PTCD3: variants seen among roughly 807,000 people sequenced by gnomAD.
The protein encoded by PTCD3 is small ribosomal subunit protein mS39.
PTCD3 carries 89 observed loss-of-function variants against 101.9 expected under a neutral mutation model. The observed-to-expected ratio is 0.87, with a 90% CI of 0.74 to 1.04. The LOEUF is 1.04. Ranked by LOEUF, PTCD3 falls within the 50% of genes least tolerant of loss-of-function variation. PTCD3 has a pLI of 0.00. For synonymous variants in PTCD3, 296 were observed against 278.5 expected (o/e 1.06, Z -0.63); for missense variants, 870 against 828.2 (o/e 1.05, Z -0.62).
chr2:86,106,658 A>G (rs1363715484), intron 1 of PTCD3, among the ~76,000 whole-genome samples: 1 of 152,184 alleles, frequency 6.6e-6, no homozygotes, highest in Non-Finnish European at 1.5e-5. Context: ...CACTACCCCA[A>G]ATTAAAAATT....
In PTCD3 at chr2:86,111,018, A is replaced by G. The variant is rs745490572; in HGVS notation, c.195-95A>G. 3.4e-5 allele frequency: 38 copies of G among 1,105,986 alleles called. 1 individual carries two copies. In the South Asian group the frequency reaches 4.7e-4, roughly 14 times the overall value. The allele number at this position is 1,105,986 out of a possible 1,614,324, so 68.5% of individuals were successfully genotyped here. A position where few individuals can be genotyped will look rare whatever the true frequency, so the allele number is the denominator to read the frequency against. ...ACCAGCTTCAGATGAGATCTGCACTATGTTATTGGCCAGTACACTGAGAGT... is the reference window on the plus strand; with the variant it reads ...ACCAGCTTCAGATGAGATCTGCACTGTGTTATTGGCCAGTACACTGAGAGT... On this transcript the variant is annotated intron_variant, in intron 3 of 23. Coordinates refer to ENST00000254630, the MANE Select transcript of PTCD3 (RefSeq NM_017952.6).
intron 17 of PTCD3, 136 bp from the exon 18 acceptor site, chr2:86,133,042 T>C (rs961301372): frequency 1.4e-6 from 2 of 1,392,786 alleles, no homozygotes; most frequent in Non-Finnish European, 1.9e-6. Flanking sequence ...AAACCAAATA[T>C]TGGCTCGTTT....
At position 86,137,116 on chromosome 2, in the gene PTCD3, A is replaced by T; in HGVS notation, c.1955A>T (p.Asp652Val). The part of the protein sequence containing the change: ...CEGLTQRVMS[D>V]FAINQEQKEA... ...GGCCTCACCCAGAGAGTAATGAGTG[A>T]TTTTGCAATCAACCAGGAACAAAAG... The change falls in exon 23 of 24, where the codon GAT (aspartate) becomes GTT (valine). Residue 652 changes from aspartate (D) to valine (V), a missense_variant. By Grantham distance (152) the Asp-to-Val change is radical (BLOSUM62 -3). Transcript: ENST00000254630. 6.3e-7 allele frequency: 1 copy of T among 1,591,842 alleles called. No individual in the cohort carries two copies. The highest frequency in any genetic ancestry group is 8.5e-7 in the Non-Finnish European group (1 of 1,170,360).
chr2:86,106,996 GGAT>G lies in PTCD3; in HGVS notation c.104+649_104+651del, dbSNP rs1484379634. On this transcript the variant is annotated intron_variant, in intron 1 of 23. Coordinates refer to ENST00000254630, the MANE Select transcript of PTCD3 (RefSeq NM_017952.6). ...TTTAGTGTTTGCCATTCACTTAATT[GGAT>G]GATAATAGACAGATTTCCTCATCTG... 7 of 380,344 alleles carry G rather than the reference GGAT, an allele frequency of 1.8e-5. 2 individuals carry two copies. The highest frequency in any genetic ancestry group is 1.2e-4 in the South Asian group (6 of 50,706). The allele number at this position is 380,344 out of a possible 1,614,324, so 23.6% of individuals were successfully genotyped here. A position where few individuals can be genotyped will look rare whatever the true frequency, so the allele number is the denominator to read the frequency against.
intron 1 of PTCD3, 106 bp from the exon 2 acceptor site, chr2:86,108,244 T>C: frequency 7.8e-7 from 1 of 1,285,824 alleles, no homozygotes; most frequent in Non-Finnish European, 1.1e-6. Flanking sequence ...GTTATCCAGT[T>C]TAATCCGTGA....
At chr2:86,114,236 A>AT (rs1674140907) in intron 4 of PTCD3, among the ~76,000 whole-genome samples, 1 of 152,174 alleles carries the variant, frequency 6.6e-6, no homozygotes, top group South Asian at 2.1e-4. Context: ...CTGAGGTAGC[A>AT]CTGAGAAGGG....
At chr2:86,109,675 G>A (rs1674038977) in intron 3 of PTCD3, among the ~76,000 whole-genome samples, 1 of 152,212 alleles carries the variant, frequency 6.6e-6, no homozygotes, top group African/African-American at 2.4e-5. Flanking sequence ...TACCTTACTG[G>A]TTAGCCACTT....
At chr2:86,134,157 T>C in intron 19 of PTCD3, 135 bp from the exon 20 acceptor site, 1 of 637,834 alleles carries the variant, frequency 1.6e-6, no homozygotes, top group South Asian at 2.0e-5. Flanking sequence ...CCTGGTGGGT[T>C]TCTGGAATCC....
intron 3 of PTCD3, among the ~76,000 whole-genome samples, chr2:86,109,426 G>C (rs1417660389): frequency 6.6e-6 from 1 of 151,844 alleles, no homozygotes; most frequent in African/African-American, 2.4e-5. Context: ...AAAAGACTTG[G>C]GTTCATTTAA....
intron 14 of PTCD3, among the ~76,000 whole-genome samples, chr2:86,129,882 G>C (rs371685552): frequency 6.6e-6 from 1 of 152,160 alleles, no homozygotes; most frequent in Non-Finnish European, 1.5e-5. Flanking sequence ...TATTGCAGAT[G>C]ATTTTCTGAC....
At chr2:86,135,820 A>G (rs1338688144) in intron 21 of PTCD3, 1 of 478,210 alleles carries the variant, frequency 2.1e-6, no homozygotes, top group Non-Finnish European at 4.2e-6. Flanking sequence ...GACGTATGAC[A>G]TTTGCATTTG....
At chr2:86,131,176 G>A in intron 16 of PTCD3, 70 bp downstream of exon 16, 1 of 1,193,080 alleles carries the variant, frequency 8.4e-7, no homozygotes, top group Non-Finnish European at 1.2e-6. Context: ...GGTTCTCCCT[G>A]GTTCTTTTCA....
At chr2:86,112,593 A>G (rs1218322776) in intron 4 of PTCD3, among the ~76,000 whole-genome samples, 1 of 150,124 alleles carries the variant, frequency 6.7e-6, no homozygotes, top group Non-Finnish European at 1.5e-5. Context: ...GAGGCAAGAG[A>G]ATCTCTTGAA....
intron 1 of PTCD3, among the ~76,000 whole-genome samples, chr2:86,107,944 T>C (rs533139239): frequency 6.6e-6 from 1 of 152,048 alleles, no homozygotes; most frequent in East Asian, 1.9e-4. Flanking sequence ...CTGCCATTTA[T>C]GTAATGAGAT....
rs567403443 is a variant in PTCD3, at chr2:86,109,706, T to A, written c.194+1170T>A. 1.1e-4 allele frequency among the ~76,000 whole-genome samples: 17 copies of A among 152,360 alleles called. No individual in the cohort carries two copies. In the South Asian group the frequency reaches 2.9e-3, roughly 26 times the overall value. On this transcript the variant is annotated intron_variant, in intron 3 of 23. Transcript: ENST00000254630. ...CACTTTGGAGGAACATTTGCATATA[T>A]ACATGGACAAGACTGTTCTTTATTA... is the stretch of plus-strand genomic sequence containing the variant.
rs186223895 is a variant in PTCD3, at chr2:86,137,665, C to G, written c.*106C>G. 142 of 1,511,270 alleles carry G rather than the reference C, an allele frequency of 9.4e-5. 1 individual carries two copies. In the African/African-American group the frequency reaches 1.8e-3, roughly 19 times the overall value. The allele number at this position is 1,511,270 out of a possible 1,614,324, so 93.6% of individuals were successfully genotyped here. ...ACATTGTTACAAAGAAGAAAAGATA[C>G]AGATTTGGTGAATTTGTTACTGTGA... is the stretch of plus-strand genomic sequence containing the variant. On this transcript the variant is annotated 3_prime_UTR_variant, in exon 24 of 24. Coordinates refer to ENST00000254630, the MANE Select transcript of PTCD3 (RefSeq NM_017952.6).
At chr2:86,106,443 T>G in intron 1 of PTCD3, 92 bp downstream of exon 1, 1 of 1,353,620 alleles carries the variant, frequency 7.4e-7, no homozygotes. Context: ...CACGATGAAA[T>G]GGTTTGCTCA....
intron 21 of PTCD3, chr2:86,135,227 G>A (rs1674565673): frequency 2.6e-6 from 1 of 389,666 alleles, no homozygotes; most frequent in Non-Finnish European, 4.5e-6. Flanking sequence ...CTGTGTCTAT[G>A]GACAAGTAAG....
At chr2:86,117,650 T>G (rs979941014) in intron 6 of PTCD3, among the ~76,000 whole-genome samples, 6 of 152,072 alleles carry the variant, frequency 3.9e-5, no homozygotes, top group East Asian at 3.9e-4. Context: ...GAGAACAGGG[T>G]CTTGTCTCAC....
Sources: gnomAD v4.1 joint callset for allele counts (sites outside exome capture counted in the v4.1 genomes callset) on GRCh38, gnomAD v4.1.1 for gene constraint, MANE v1.5 for transcripts, NCBI Gene and HGNC (gene_info 2026-07-23, HGNC 2026-07-21) for gene names.